The following GALNT17 variants were observed in gnomAD, a reference collection of about 807,000 sequenced individuals.
The protein encoded by GALNT17 is UDP-GalNAc:polypeptide N-acetylgalactosaminyltransferase-like 3.
Under a neutral mutation model 63.7 loss-of-function variants are expected in GALNT17, and 29 were observed. The observed-to-expected ratio is 0.46, with a 90% CI of 0.34 to 0.62. The LOEUF is 0.62. GALNT17 is among the 20% of genes least tolerant of loss of function. The pLI is 0.01. For missense variants in GALNT17, 603 were observed against 799.6 expected (o/e 0.75, Z 2.97); for synonymous variants, 305 against 318.3 (o/e 0.96, Z 0.45).
chr7:71,520,340 A>G (rs1379549508), intron 5 of GALNT17, among the ~76,000 whole-genome samples: 1 of 152,146 alleles, frequency 6.6e-6, no homozygotes, highest in Non-Finnish European at 1.5e-5. Context: ...CCTGGCCAAG[A>G]TAGTGAAACC....
At chr7:71,325,741 G>T (rs959053772) in intron 1 of GALNT17, among the ~76,000 whole-genome samples, 2 of 152,132 alleles carry the variant, frequency 1.3e-5, no homozygotes, top group Admixed American at 6.5e-5. Context: ...GTGATCAACC[G>T]TGTGGCCCTC....
At chr7:71,504,504 C>T in intron 5 of GALNT17, among the ~76,000 whole-genome samples, 1 of 152,180 alleles carries the variant, frequency 6.6e-6, no homozygotes, top group South Asian at 2.1e-4. Flanking sequence ...TTATCACTCT[C>T]TTTTGGTTTA....
At chr7:71,152,918 C>A (rs1788160152) in intron 1 of GALNT17, among the ~76,000 whole-genome samples, 1 of 152,112 alleles carries the variant, frequency 6.6e-6, no homozygotes, top group Non-Finnish European at 1.5e-5. Flanking sequence ...CAGGTGTGAG[C>A]CACGCCCCAG....
intron 6 of GALNT17, among the ~76,000 whole-genome samples, chr7:71,627,122 G>A (rs919073951): frequency 5.3e-5 from 8 of 152,188 alleles, no homozygotes; most frequent in South Asian, 2.1e-4. Flanking sequence ...AAGGAGTTTC[G>A]TGAACAGACA....
At chr7:71,200,296 T>C (rs1435007008) in intron 1 of GALNT17, among the ~76,000 whole-genome samples, 1 of 152,216 alleles carries the variant, frequency 6.6e-6, no homozygotes, top group African/African-American at 2.4e-5. Context: ...TGTGTTTGTA[T>C]TGATGGAGCA....
At chr7:71,455,765 T>C (rs1008726231) in intron 5 of GALNT17, among the ~76,000 whole-genome samples, 3 of 152,190 alleles carry the variant, frequency 2.0e-5, no homozygotes, top group Admixed American at 1.3e-4. Flanking sequence ...GGCTAGGAGA[T>C]GACTTCTTTG....
chr7:71,267,460 C>G (rs544691393), intron 1 of GALNT17, among the ~76,000 whole-genome samples: 1 of 151,034 alleles, frequency 6.6e-6, no homozygotes, highest in Admixed American at 6.6e-5. Flanking sequence ...AATAATTCAT[C>G]AAGGAGGAAT....
chr7:71,349,396 A>G (rs942876774), intron 2 of GALNT17, among the ~76,000 whole-genome samples: 1 of 152,196 alleles, frequency 6.6e-6, no homozygotes, highest in Non-Finnish European at 1.5e-5. Flanking sequence ...CCTTTAGTTA[A>G]TTTAGAAGAA....
chr7:71,334,620 C>T (rs1476786813), intron 1 of GALNT17, among the ~76,000 whole-genome samples: 2 of 152,186 alleles, frequency 1.3e-5, no homozygotes, highest in Non-Finnish European at 2.9e-5. Flanking sequence ...GCTGTTTATC[C>T]TCTAATGGAA....
chr7:71,413,846 A>G (rs73363709), intron 3 of GALNT17, among the ~76,000 whole-genome samples: 7,077 of 151,976 alleles, frequency 0.047, 590 homozygotes, highest in African/African-American at 0.16. Context: ...GGTGGCATCT[A>G]CCTTGATGTT....
intron 1 of GALNT17, among the ~76,000 whole-genome samples, chr7:71,281,511 C>T (rs1277026362): frequency 6.6e-6 from 1 of 152,206 alleles, no homozygotes; most frequent in African/African-American, 2.4e-5. Flanking sequence ...ATTTGTTTCT[C>T]ATGTGCTATG....
intron 1 of GALNT17, among the ~76,000 whole-genome samples, chr7:71,262,393 G>A (rs1790401024): frequency 6.6e-6 from 1 of 152,114 alleles, no homozygotes; most frequent in African/African-American, 2.4e-5. Context: ...TGAGATTACA[G>A]GTGTAAGCCA....
At chr7:71,148,841 C>T (rs1160939313) in intron 1 of GALNT17, among the ~76,000 whole-genome samples, 4 of 125,140 alleles carry the variant, frequency 3.2e-5, no homozygotes, top group Non-Finnish European at 6.5e-5. Flanking sequence ...TGATGAAATA[C>T]AGTAGTATTA....
chr7:71,583,069 A>G (rs982126367), intron 6 of GALNT17, among the ~76,000 whole-genome samples: 2 of 152,112 alleles, frequency 1.3e-5, no homozygotes, highest in African/African-American at 4.8e-5. Flanking sequence ...GTTTTTCAAA[A>G]TGTTTACAAC....
At chr7:71,700,650 T>C (rs1791618122) in intron 9 of GALNT17, among the ~76,000 whole-genome samples, 1 of 152,218 alleles carries the variant, frequency 6.6e-6, no homozygotes, top group Non-Finnish European at 1.5e-5. Context: ...TTTAAACAGC[T>C]GCTCCATATT....
chr7:71,461,143 G>C (rs1438352292), intron 5 of GALNT17, among the ~76,000 whole-genome samples: 1 of 152,162 alleles, frequency 6.6e-6, no homozygotes, highest in Admixed American at 6.5e-5. Context: ...TCATGCTTTT[G>C]ATTGAAACTC....
At chr7:71,691,956 T>G (rs481161) in intron 9 of GALNT17, among the ~76,000 whole-genome samples, 146,528 of 151,478 alleles carry the variant, frequency 0.97, 71,066 homozygotes, top group East Asian at 1. Context: ...CTGTCACCCA[T>G]GCTGGAGTGC....
chr7:71,458,072 A>G (rs1583972211), intron 5 of GALNT17, among the ~76,000 whole-genome samples: 1 of 152,018 alleles, frequency 6.6e-6, no homozygotes, highest in African/African-American at 2.4e-5. Flanking sequence ...ACTGTCAAAG[A>G]CAGCCACAAG....
At chr7:71,342,251 G>A (rs928455809) in intron 2 of GALNT17, among the ~76,000 whole-genome samples, 1 of 152,120 alleles carries the variant, frequency 6.6e-6, no homozygotes, top group African/African-American at 2.4e-5. Flanking sequence ...GAAAGCAAAA[G>A]GTGAGCCAGC....
Sources: allele counts gnomAD v4.1 joint callset (sites outside exome capture counted in the v4.1 genomes callset), GRCh38; gene constraint gnomAD v4.1.1; transcripts MANE v1.5; gene names NCBI Gene and HGNC (gene_info 2026-07-23, HGNC 2026-07-21).